Variants in CDKN1A observed in about 807,000 individuals in gnomAD.
CDKN1A encodes the protein cyclin-dependent kinase inhibitor 1.
In CDKN1A, 14 loss-of-function variants were observed where a neutral mutation model predicts 14.8. The observed-to-expected ratio is 0.94, with a 90% confidence interval of 0.62 to 1.48. The LOEUF is 1.48. Among genes scored for constraint, CDKN1A ranks in the 40% most tolerant of loss-of-function variants. The pLI, the probability that CDKN1A is intolerant of heterozygous loss-of-function variation, is 0.00. For synonymous variants in CDKN1A, 92 were observed against 93.5 expected (o/e 0.98, Z 0.09); for missense variants, 203 against 231.7 (o/e 0.88, Z 0.80).
intron 1 of CDKN1A, among the ~76,000 whole-genome samples, chr6:36,679,602 G>A (rs1761830253): frequency 6.6e-6 from 1 of 152,240 alleles, no homozygotes; most frequent in African/African-American, 2.4e-5. Flanking sequence ...TGTTCCCAAG[G>A]AAGCCGGGCA....
At chr6:36,677,877 A>G (rs760140842), upstream of CDKN1A, 4 of 1,365,568 alleles carry the variant, frequency 2.9e-6, no homozygotes, top group South Asian at 2.4e-5. Context: ...CACTCGTCAA[A>G]TCCTCCCCTT....
rs1198135597 is a variant in CDKN1A, at chr6:36,679,486, AC to A, written c.-6+692del. 3.9e-5 allele frequency among the ~76,000 whole-genome samples: 6 copies of A among 152,100 alleles called. No homozygotes were observed. In the East Asian group the frequency reaches 1.2e-3, roughly 29 times the overall value. ...AGGGAACGGACTGTATGAGGTCAGA[AC>A]CCCGCCCGGGATGGGGTACAGCGGG... On this transcript the variant is annotated intron_variant, in intron 1 of 2. Transcript: ENST00000244741.
intron 1 of CDKN1A, among the ~76,000 whole-genome samples, chr6:36,681,280 T>TTTTC (rs1203395813): frequency 1.5e-3 from 173 of 112,842 alleles, no homozygotes; most frequent in South Asian, 8.4e-3. Context: ...TTCTTTCTTT[T>TTTTC]TTTCTTTCTT....
At chr6:36,676,749 G>A (rs544570843), upstream of CDKN1A, among the ~76,000 whole-genome samples, 1 of 151,894 alleles carries the variant, frequency 6.6e-6, no homozygotes, top group East Asian at 1.9e-4. Flanking sequence ...CCCTTAGAGT[G>A]TGTCTGGGTA....
chr6:36,684,621 C>A lies in CDKN1A; in HGVS notation c.445+75C>A. The A allele has an allele frequency of 1.4e-6, 2 of 1,403,754 alleles. No homozygotes were observed. The highest frequency in any genetic ancestry group is 2.0e-6 in the Non-Finnish European group (2 of 1,000,496). 87.0% of individuals were successfully genotyped at this position (1,403,754 alleles called of 1,614,324 possible). On this transcript the variant is annotated intron_variant, in intron 2 of 2. Coordinates refer to ENST00000244741, the MANE Select transcript of CDKN1A (RefSeq NM_000389.5). This position sits in a 1 kb window ranked among gnomAD's most constrained non-coding sequence, Gnocchi z 6.0. ...ATCCATGGTCCAAGGGCTGACCTGT[C>A]TGGTCCTGGTCCAGCATGCTCCAGG... is the stretch of plus-strand genomic sequence containing the variant.
At position 36,686,176 on chromosome 6, in the gene CDKN1A, C is replaced by T. The variant is rs181350370; in HGVS notation, c.*376C>T. The stretch of plus-strand genomic sequence containing the variant: ...GGTACCCTCTGGAGGGGTGTGGCTC[C>T]TTCCCATCGCTGTCACAGGCGGTTA... On this transcript the variant is annotated 3_prime_UTR_variant, in exon 3 of 3. Transcript: ENST00000244741. This position sits in a 1 kb window ranked among gnomAD's most constrained non-coding sequence, Gnocchi z 4.9. 2.1e-4 allele frequency: 78 copies of T among 368,656 alleles called. No individual in the cohort carries two copies. The highest frequency in any genetic ancestry group is 1.5e-3 in the African/African-American group (74 of 48,932). The allele number at this position is 368,656 out of a possible 1,614,324, so 22.8% of individuals were successfully genotyped here. A position where few individuals can be genotyped will look rare whatever the true frequency, so the allele number is the denominator to read the frequency against.
At chr6:36,685,368 C>A (rs928057451) in intron 2 of CDKN1A, among the ~76,000 whole-genome samples, 3 of 152,200 alleles carry the variant, frequency 2.0e-5, no homozygotes, top group Non-Finnish European at 2.9e-5. Flanking sequence ...GGTACAGGGG[C>A]CACGAGCCAC....
chr6:36,685,106 T>G (rs1762155731), intron 2 of CDKN1A, among the ~76,000 whole-genome samples: 1 of 152,180 alleles, frequency 6.6e-6, no homozygotes. Flanking sequence ...TCCCAAAGTG[T>G]TGTGATTACA....
At chr6:36,682,299 C>T (rs1022372304) in intron 1 of CDKN1A, among the ~76,000 whole-genome samples, 1 of 152,140 alleles carries the variant, frequency 6.6e-6, no homozygotes, top group Non-Finnish European at 1.5e-5. Context: ...TAGAACAGCC[C>T]CCAAACATAA....
At position 36,684,338 on chromosome 6, in the gene CDKN1A, C is replaced by T. The variant is rs2150313747; in HGVS notation, c.237C>T (p.Pro79=). 1 of 1,613,562 alleles carries T rather than the reference C, an allele frequency of 6.2e-7. No individual in the cohort carries two copies. Among genetic ancestry groups the T allele is most frequent in the Non-Finnish European group, 8.5e-7 (1 of 1,179,994 alleles). The stretch of plus-strand genomic sequence containing the variant: ...TTGGCCTGCCCAAGCTCTACCTTCC[C>T]ACGGGGCCCCGGCGAGGCCGGGATG... ...RGLGLPKLYL[P]TGPRRGRDEL... Residue 79 remains proline, a synonymous_variant, in exon 2 of 3, where the codon CCC becomes CCT. Transcript: ENST00000244741. The surrounding 1 kb of genome is among the most constrained non-coding windows in gnomAD (Gnocchi z 6.0).
chr6:36,681,334 T>TTCTTTCTTTCTTTCTTTTTCTTTC (rs780161958), intron 1 of CDKN1A, among the ~76,000 whole-genome samples: 11 of 86,124 alleles, frequency 1.3e-4, no homozygotes, highest in Admixed American at 2.3e-4. Context: ...CTTTCTTTCT[T>TTCTTTCTTTCTTTCTTTTTCTTTC]TTTCTTTCTT....
rs567103693 is a variant in CDKN1A, at chr6:36,686,713, G to A, written c.*913G>A. Reference sequence around the variant, plus strand: ...CCAGCTCAATGGACTGGAAGGGGAAGGGACACACAAGAAGAAGGGCACCCT... The same window carrying A: ...CCAGCTCAATGGACTGGAAGGGGAAAGGACACACAAGAAGAAGGGCACCCT... On this transcript the variant is annotated 3_prime_UTR_variant, in exon 3 of 3. Coordinates refer to ENST00000244741, the MANE Select transcript of CDKN1A (RefSeq NM_000389.5). This position sits in a 1 kb window ranked among gnomAD's most constrained non-coding sequence, Gnocchi z 4.9. 10 of 233,908 alleles carry A rather than the reference G, an allele frequency of 4.3e-5. No individual in the cohort carries two copies. In the Admixed American group the frequency reaches 4.5e-4, roughly 11 times the overall value. 14.5% of individuals were successfully genotyped at this position (233,908 alleles called of 1,614,324 possible). A position where few individuals can be genotyped will look rare whatever the true frequency, so the allele number is the denominator to read the frequency against.
At chr6:36,682,418 C>T (rs1322497476) in intron 1 of CDKN1A, among the ~76,000 whole-genome samples, 1 of 152,212 alleles carries the variant, frequency 6.6e-6, no homozygotes, top group Non-Finnish European at 1.5e-5. Context: ...TGGCCTTTGG[C>T]CTTTTTAGCT....
upstream of CDKN1A, chr6:36,677,600 AG>A (rs1435805254): frequency 2.6e-6 from 1 of 377,586 alleles, no homozygotes; most frequent in African/African-American, 2.1e-5. Context: ...CAGAAGAACC[AG>A]TAGACACTTC....
upstream of CDKN1A, chr6:36,677,873 T>C: frequency 2.2e-6 from 3 of 1,366,568 alleles, no homozygotes; most frequent in Non-Finnish European, 2.9e-6. Flanking sequence ...AACTCACTCG[T>C]CAAATCCTCC....
At chr6:36,678,537 C>T (rs766602031), upstream of CDKN1A, 1 of 414,352 alleles carries the variant, frequency 2.4e-6, no homozygotes, top group Non-Finnish European at 3.3e-6. This position sits in a 1 kb window ranked among gnomAD's most constrained non-coding sequence, Gnocchi z 5.7. Context: ...GTTCCGGGAC[C>T]GGCTGGCCTG....
At position 36,684,831 on chromosome 6, in the gene CDKN1A, T is replaced by C. The variant is rs1483348756; in HGVS notation, c.445+285T>C. On this transcript the variant is annotated intron_variant, in intron 2 of 2. Transcript: ENST00000244741. This position sits in a 1 kb window ranked among gnomAD's most constrained non-coding sequence, Gnocchi z 6.0. ...ATAACATAAGACATTCTTGTCACCC[T>C]GCCCGCCTTTCTTTTTGAGACAGGT... Among the ~76,000 whole-genome samples the C allele has an allele frequency of 6.6e-6, 1 of 152,228 alleles. No individual in the cohort carries two copies. Among genetic ancestry groups the C allele is most frequent in the Non-Finnish European group, 1.5e-5 (1 of 68,038 alleles).
At chr6:36,680,108 A>G (rs1761864288) in intron 1 of CDKN1A, among the ~76,000 whole-genome samples, 1 of 151,946 alleles carries the variant, frequency 6.6e-6, no homozygotes, top group South Asian at 2.1e-4. Flanking sequence ...CTGGGTTAGG[A>G]ACTTGGGGCG....
chr6:36,680,386 G>T, intron 1 of CDKN1A: 1 of 152,266 alleles, frequency 6.6e-6, no homozygotes, highest in Non-Finnish European at 1.5e-5. Context: ...TTTCCCAACA[G>T]CGGCGGGAGT....
Sources: gnomAD v4.1 joint callset for allele counts (sites outside exome capture counted in the v4.1 genomes callset) on GRCh38, gnomAD v4.1.1 for gene constraint, Gnocchi (gnomAD v3.1) non-coding constraint, MANE v1.5 for transcripts, NCBI Gene and HGNC (gene_info 2026-07-23, HGNC 2026-07-21) for gene names.